The following PCDHA13 variants were observed in gnomAD, a reference collection of about 807,000 sequenced individuals.
The protein encoded by PCDHA13 is protocadherin alpha-13.
Under a neutral mutation model 64.8 loss-of-function variants are expected in PCDHA13, and 54 were observed. The ratio of observed to expected loss-of-function variants is 0.83; its 90% CI spans 0.67 to 1.04. The LOEUF is 1.04. PCDHA13 is among the 50% of genes least tolerant of loss of function. The pLI is 0.00. For missense variants in PCDHA13, 1,248 were observed against 1,254.3 expected (o/e 0.99, Z 0.08); for synonymous variants, 587 against 564.4 (o/e 1.04, Z -0.57).
chr5:140,966,862 G>T (rs782810195), intron 1 of PCDHA13: 1 of 1,562,198 alleles, frequency 6.4e-7, no homozygotes. Context: ...TGCTGCTGTT[G>T]CTGCTGCTGC....
intron 1 of PCDHA13, among the ~76,000 whole-genome samples, chr5:140,971,134 G>A (rs1387380195): frequency 6.6e-6 from 1 of 152,170 alleles, no homozygotes; most frequent in African/African-American, 2.4e-5. Context: ...GTGGTGAAGA[G>A]GCATGAACAA....
intron 1 of PCDHA13, chr5:140,969,617 A>G (rs2096348108): frequency 4.3e-6 from 3 of 705,552 alleles, no homozygotes; most frequent in Non-Finnish European, 6.8e-6. Context: ...ACAGATTTGT[A>G]GAGAAACAGG....
intron 1 of PCDHA13, chr5:140,930,452 G>A (rs2086853363): frequency 6.6e-6 from 1 of 151,826 alleles, no homozygotes; most frequent in Non-Finnish European, 1.5e-5. Flanking sequence ...CAAACTCCTA[G>A]CCTCAAGTGA....
At chr5:140,994,733 C>G (rs2097647887) in intron 3 of PCDHA13, among the ~76,000 whole-genome samples, 1 of 152,034 alleles carries the variant, frequency 6.6e-6, no homozygotes, top group Non-Finnish European at 1.5e-5. Context: ...CTGGGTATTG[C>G]AGGATGGCAA....
chr5:140,902,724 C>T (rs1463381369), intron 1 of PCDHA13, among the ~76,000 whole-genome samples: 6 of 148,640 alleles, frequency 4.0e-5, no homozygotes, highest in Admixed American at 3.3e-4. Context: ...TCCCACCCTT[C>T]CCTCCAAGTC....
At chr5:140,952,111 G>A (rs1040553968) in intron 1 of PCDHA13, among the ~76,000 whole-genome samples, 1 of 152,086 alleles carries the variant, frequency 6.6e-6, no homozygotes, top group Non-Finnish European at 1.5e-5. Context: ...ACTCGTGTGA[G>A]GGATGGGCTC....
At chr5:140,907,377 C>T (rs2073348359) in intron 1 of PCDHA13, among the ~76,000 whole-genome samples, 1 of 152,124 alleles carries the variant, frequency 6.6e-6, no homozygotes, top group Non-Finnish European at 1.5e-5. Context: ...AAAGTGAGTG[C>T]CTTGGTCAAA....
At chr5:140,950,872 T>C (rs782492363) in intron 1 of PCDHA13, among the ~76,000 whole-genome samples, 14 of 152,210 alleles carry the variant, frequency 9.2e-5, no homozygotes, top group Middle Eastern at 3.4e-3. Context: ...ATATTCTATA[T>C]TGTTCAATAG....
chr5:140,926,592 C>A, intron 1 of PCDHA13: 1 of 298,858 alleles, frequency 3.3e-6, no homozygotes, highest in Non-Finnish European at 6.1e-6. Context: ...CGCGCCCGGG[C>A]GGGCGGCCTC....
chr5:140,936,326 A>G (rs2090913771), intron 1 of PCDHA13, among the ~76,000 whole-genome samples: 1 of 152,138 alleles, frequency 6.6e-6, no homozygotes, highest in South Asian at 2.1e-4. Flanking sequence ...CATGCTATAA[A>G]TTTTCTCTAT....
chr5:140,945,948 C>T (rs782232521), intron 1 of PCDHA13, among the ~76,000 whole-genome samples: 6 of 151,900 alleles, frequency 3.9e-5, no homozygotes, highest in Non-Finnish European at 5.9e-5. Context: ...TTTTATATGA[C>T]CCTGAAAGCA....
intron 1 of PCDHA13, among the ~76,000 whole-genome samples, chr5:140,894,013 T>G (rs1161643824): frequency 1.3e-5 from 2 of 152,232 alleles, no homozygotes; most frequent in African/African-American, 4.8e-5. Flanking sequence ...TGGTTCAAAT[T>G]ACCAGTTCTG....
chr5:140,889,551 C>A (rs981990006), intron 1 of PCDHA13, among the ~76,000 whole-genome samples: 1 of 152,074 alleles, frequency 6.6e-6, no homozygotes, highest in Non-Finnish European at 1.5e-5. Flanking sequence ...ATTTACTTTT[C>A]TTCAGAATTC....
chr5:141,007,775 A>G (rs1156577699), intron 3 of PCDHA13, among the ~76,000 whole-genome samples: 2 of 152,216 alleles, frequency 1.3e-5, no homozygotes, highest in Non-Finnish European at 2.9e-5. Context: ...TGGAAATGGT[A>G]CTGCTTTACA....
At chr5:140,928,326 C>T (rs1554205788) in intron 1 of PCDHA13, 1 of 1,614,162 alleles carries the variant, frequency 6.2e-7, no homozygotes, top group Non-Finnish European at 8.5e-7. Context: ...GGAAGAATGG[C>T]CTTGTCTCTT....
At chr5:140,998,721 C>G (rs987484967) in intron 3 of PCDHA13, among the ~76,000 whole-genome samples, 1 of 152,084 alleles carries the variant, frequency 6.6e-6, no homozygotes, top group Non-Finnish European at 1.5e-5. Context: ...TGCACCACCA[C>G]GCTAGGCTAA....
At chr5:140,953,092 G>A (rs141861684) in intron 1 of PCDHA13, among the ~76,000 whole-genome samples, 2 of 152,252 alleles carry the variant, frequency 1.3e-5, no homozygotes, top group South Asian at 2.1e-4. Context: ...ATTACAATTT[G>A]ACATGAGATT....
In PCDHA13 at chr5:140,884,376, C is replaced by T. The variant is rs1554181489; in HGVS notation, c.2108C>T (p.Ala703Val). The T allele has an allele frequency of 1.2e-6, 2 of 1,613,982 alleles. No homozygotes were observed. The highest frequency in any genetic ancestry group is 1.7e-6 in the Non-Finnish European group (2 of 1,179,896). ...GATGTCAATGTTTACTTGATCATTG[C>T]CATCTGCGCGGTGTCCAGCCTGTTG... ...LVDVNVYLII[A>V]ICAVSSLLVL... The change falls in exon 1 of 4, where the codon GCC becomes GTC. Residue 703 changes from alanine (A) to valine (V), a missense_variant. By Grantham distance (64) the Ala-to-Val change is moderately conservative. Transcript: ENST00000289272.
intron 1 of PCDHA13, among the ~76,000 whole-genome samples, chr5:140,938,314 T>C (rs1026606524): frequency 2.0e-5 from 3 of 152,220 alleles, no homozygotes; most frequent in Non-Finnish European, 2.9e-5. Flanking sequence ...AGTATAAAAT[T>C]GAATAGAAGT....
Sources: allele counts gnomAD v4.1 joint callset (sites outside exome capture counted in the v4.1 genomes callset), GRCh38; gene constraint gnomAD v4.1.1; transcripts MANE v1.5; gene names NCBI Gene and HGNC (gene_info 2026-07-23, HGNC 2026-07-21).